NUAK1: variants seen among roughly 807,000 people sequenced by gnomAD.
NUAK1 encodes the protein NUAK family kinase 1, also known as NUAK family SNF1-like kinase 1.
NUAK1 carries 26 observed loss-of-function variants against 56.9 expected under a neutral mutation model. The ratio of observed to expected loss-of-function variants is 0.46; its 90% CI spans 0.33 to 0.63. The LOEUF (loss-of-function observed/expected upper bound fraction) is 0.63. NUAK1 is among the 30% of genes least tolerant of loss of function. NUAK1 has a pLI of 0.02. For missense variants in NUAK1, 727 were observed against 876.1 expected, an observed-to-expected ratio of 0.83 and a Z score of 2.15; for synonymous variants, 337 against 336.0, an observed-to-expected ratio of 1.00 and a Z score of -0.03.
In NUAK1 at chr12:106,095,837, T is replaced by G. The variant is rs190892659; in HGVS notation, c.362-8952A>C. On this transcript the variant is annotated intron_variant, in intron 2 of 6. Transcript: ENST00000261402. The stretch of plus-strand genomic sequence containing the variant: ...AGGTGAAGGCAAGCCTAGCTCTCTT[T>G]CATTCTTTTGGTCCCTAGGGCTGTT... Among the ~76,000 whole-genome samples the G allele has an allele frequency of 1.1e-4, 16 of 152,304 alleles. No individual in the cohort carries two copies. The East Asian group carries it at 3.1e-3, about 29-fold the overall frequency.
intron 3 of NUAK1, among the ~76,000 whole-genome samples, chr12:106,085,982 T>C (rs1387605785): frequency 6.6e-6 from 1 of 152,182 alleles, no homozygotes; most frequent in Non-Finnish European, 1.5e-5. Flanking sequence ...GCTTGGATTA[T>C]AGGCATGAGC....
chr12:106,113,383 T>C (rs2032884463), intron 1 of NUAK1, among the ~76,000 whole-genome samples: 1 of 152,130 alleles, frequency 6.6e-6, no homozygotes, highest in Non-Finnish European at 1.5e-5. Context: ...TCAGAGACTC[T>C]AGAGCACTAT....
intron 3 of NUAK1, among the ~76,000 whole-genome samples, chr12:106,085,080 C>T (rs754905732): frequency 7.2e-5 from 11 of 152,148 alleles, no homozygotes; most frequent in African/African-American, 1.9e-4. Context: ...TGCACAAAAC[C>T]GAGTCTGTTA....
At chr12:106,070,678 C>A in intron 6 of NUAK1, 96 bp downstream of exon 6, 2 of 1,491,386 alleles carry the variant, frequency 1.3e-6, no homozygotes, top group Non-Finnish European at 1.9e-6. Context: ...CCAGGTGACT[C>A]CAGACAGACA....
At chr12:106,118,424 G>C (rs754629372) in intron 1 of NUAK1, among the ~76,000 whole-genome samples, 7 of 152,190 alleles carry the variant, frequency 4.6e-5, no homozygotes, top group Non-Finnish European at 1.0e-4. Flanking sequence ...AACACTCTTA[G>C]CCCTGGCATT....
In NUAK1 at chr12:106,086,001, G is replaced by A. The variant is rs115491345; in HGVS notation, c.513+733C>T. ...GGATTATAGGCATGAGCCTGTCTGC[G>A]GCCATCTTCTGAGCACATCCGTGCA... On this transcript the variant is annotated intron_variant, in intron 3 of 6. Transcript: ENST00000261402. Among the ~76,000 whole-genome samples the A allele has an allele frequency of 3.5e-3, 528 of 152,206 alleles. 6 individuals carry two copies. The highest frequency in any genetic ancestry group is 0.012 in the African/African-American group (503 of 41,504).
At chr12:106,112,833 G>A (rs2032877504) in intron 1 of NUAK1, among the ~76,000 whole-genome samples, 2 of 152,214 alleles carry the variant, frequency 1.3e-5, no homozygotes, top group South Asian at 4.1e-4. Flanking sequence ...CCTTCAAAGA[G>A]TGGCATCCCC....
intron 2 of NUAK1, among the ~76,000 whole-genome samples, chr12:106,088,801 C>T (rs1011725770): frequency 3.3e-5 from 5 of 152,214 alleles, no homozygotes; most frequent in African/African-American, 1.2e-4. Context: ...CAATGAAGAA[C>T]TGAGTTGACC....
At chr12:106,126,161 G>A (rs1391235486) in intron 1 of NUAK1, among the ~76,000 whole-genome samples, 1 of 152,218 alleles carries the variant, frequency 6.6e-6, no homozygotes, top group African/African-American at 2.4e-5. Flanking sequence ...GGACCAGCAA[G>A]GAGGGATAAA....
intron 1 of NUAK1, among the ~76,000 whole-genome samples, chr12:106,111,543 C>T (rs1422085001): frequency 6.6e-6 from 1 of 152,040 alleles, no homozygotes; most frequent in Non-Finnish European, 1.5e-5. Context: ...AGCTGGACTT[C>T]AAGGAGTATT....
intron 2 of NUAK1, among the ~76,000 whole-genome samples, chr12:106,095,149 A>G (rs1275281170): frequency 1.3e-5 from 2 of 152,122 alleles, no homozygotes; most frequent in Admixed American, 6.5e-5. Flanking sequence ...CACAACACAC[A>G]CACACCACTC....
At chr12:106,068,627 A>T (rs760300788) in intron 6 of NUAK1, among the ~76,000 whole-genome samples, 18 of 152,220 alleles carry the variant, frequency 1.2e-4, no homozygotes, top group Non-Finnish European at 1.8e-4. Context: ...GAAGTGATCT[A>T]TATCTGCTTC....
intron 1 of NUAK1, among the ~76,000 whole-genome samples, chr12:106,112,060 C>A (rs55941206): frequency 0.093 from 14,139 of 151,520 alleles, 753 homozygotes; most frequent in African/African-American, 0.13. Flanking sequence ...ATGGACCCCC[C>A]TCCAAGCAGA....
chr12:106,124,253 G>A (rs571214660), intron 1 of NUAK1, among the ~76,000 whole-genome samples: 1 of 152,212 alleles, frequency 6.6e-6, no homozygotes, highest in African/African-American at 2.4e-5. Context: ...AATCTCAACT[G>A]TTCTTGCCTT....
chr12:106,085,220 A>T (rs1168143961), intron 3 of NUAK1, among the ~76,000 whole-genome samples: 2 of 152,248 alleles, frequency 1.3e-5, no homozygotes, highest in Non-Finnish European at 2.9e-5. Context: ...TCATTCATAC[A>T]GAATCCAAGT....
intron 2 of NUAK1, among the ~76,000 whole-genome samples, chr12:106,099,155 C>A (rs1315974796): frequency 3.9e-5 from 6 of 152,190 alleles, no homozygotes; most frequent in African/African-American, 1.4e-4. Flanking sequence ...ATCACCTTCA[C>A]CCATGGGTCA....
intron 2 of NUAK1, among the ~76,000 whole-genome samples, chr12:106,093,561 T>C (rs1009610437): frequency 1.3e-5 from 2 of 152,192 alleles, no homozygotes; most frequent in African/African-American, 4.8e-5. Context: ...AGAAAATGTG[T>C]ATTATAAAAA....
chr12:106,075,623 T>C (rs554017473), intron 4 of NUAK1, among the ~76,000 whole-genome samples: 1 of 152,350 alleles, frequency 6.6e-6, no homozygotes, highest in East Asian at 1.9e-4. Flanking sequence ...GGGAGTTAAT[T>C]ACCTTCGTTA....
intron 1 of NUAK1, among the ~76,000 whole-genome samples, chr12:106,122,539 T>A (rs2032988064): frequency 6.6e-6 from 1 of 152,200 alleles, no homozygotes; most frequent in African/African-American, 2.4e-5. Context: ...TTATTATTAC[T>A]CCATGATTGG....
Sources: allele counts gnomAD v4.1 joint callset (sites outside exome capture counted in the v4.1 genomes callset), GRCh38; gene constraint gnomAD v4.1.1; transcripts MANE v1.5; gene names NCBI Gene and HGNC (gene_info 2026-07-23, HGNC 2026-07-21).